Variants in MBD2 observed in about 807,000 individuals in gnomAD.
MBD2 encodes the protein methyl-CpG binding domain protein 2, also known as methyl-CpG-binding domain protein 2.
MBD2 carries 9 observed loss-of-function variants against 39.3 expected under a neutral mutation model. That is an observed-to-expected ratio of 0.23 (90% CI 0.14 to 0.40). MBD2 has a LOEUF of 0.40. Among genes scored for constraint, MBD2 ranks in the 10% least tolerant of loss-of-function variants. The pLI, the probability that MBD2 is intolerant of heterozygous loss-of-function variation, is 1.00. For missense variants in MBD2, 458 were observed against 532.6 expected, an observed-to-expected ratio of 0.86 and a Z score of 1.38; for synonymous variants, 233 against 211.1, an observed-to-expected ratio of 1.10 and a Z score of -0.90.
intron 3 of MBD2, among the ~76,000 whole-genome samples, chr18:54,174,747 T>C (rs2086199802): frequency 6.6e-6 from 1 of 152,056 alleles, no homozygotes; most frequent in Non-Finnish European, 1.5e-5. Flanking sequence ...AGATGTAGAG[T>C]TCCAAATAAA....
chr18:54,161,420 T>C (rs923689706), intron 5 of MBD2, among the ~76,000 whole-genome samples: 10 of 152,178 alleles, frequency 6.6e-5, no homozygotes, highest in African/African-American at 2.4e-4. Flanking sequence ...CAGAACACAT[T>C]TGTTTATTTC....
rs943386502 is a variant in MBD2 at position 54,159,829 on chromosome 18, G to C, written c.1184C>G (p.Ala395Gly). ...AATATCCATCTCTTCTGTATCAGCAGCTCGCGACAAGATGTCTGCCATCAG... is the reference window on the plus strand; with the variant it reads ...AATATCCATCTCTTCTGTATCAGCACCTCGCGACAAGATGTCTGCCATCAG... ...EALMADILSR[A>G]ADTEEMDIEM... Residue 395 changes from alanine to glycine, a missense_variant, in exon 6 of 7, where the codon GCT (alanine) becomes GGT (glycine). By Grantham distance (60) the Ala-to-Gly change is moderately conservative (BLOSUM62 0). Around this residue, in one of 2 missense-constraint regions of MBD2, gnomAD observed 189 missense variants for 296.6 expected, o/e 0.64. Coordinates refer to ENST00000256429, the MANE Select transcript of MBD2 (RefSeq NM_003927.5). 6.2e-7 allele frequency: 1 copy of C among 1,612,628 alleles called. No homozygotes were observed. Among genetic ancestry groups the C allele is most frequent in the Non-Finnish European group, 8.5e-7 (1 of 1,179,974 alleles).
chr18:54,178,553 A>T (rs1238820727), intron 3 of MBD2, among the ~76,000 whole-genome samples: 1 of 152,156 alleles, frequency 6.6e-6, no homozygotes, highest in Non-Finnish European at 1.5e-5. Context: ...AAACAAATAC[A>T]GGCATAAAAA....
chr18:54,167,379 T>C (rs1343552828), intron 3 of MBD2, among the ~76,000 whole-genome samples: 1 of 152,226 alleles, frequency 6.6e-6, no homozygotes, highest in Non-Finnish European at 1.5e-5. Context: ...ACAAGGTCTA[T>C]AACCTCTTCA....
At chr18:54,210,269 C>A (rs896847510) in intron 1 of MBD2, among the ~76,000 whole-genome samples, 1 of 152,004 alleles carries the variant, frequency 6.6e-6, no homozygotes, top group African/African-American at 2.4e-5. Context: ...CACATAGGAA[C>A]ATTTCATCAC....
chr18:54,170,265 T>C lies in MBD2; in HGVS notation c.841-4099A>G, dbSNP rs188803266. 1.8e-3 allele frequency among the ~76,000 whole-genome samples: 276 copies of C among 152,312 alleles called. 1 individual carries two copies. Among genetic ancestry groups the C allele is most frequent in the African/African-American group, 6.3e-3 (261 of 41,556 alleles). On this transcript the variant is annotated intron_variant, in intron 3 of 6. Transcript: ENST00000256429. Reference sequence around the variant, plus strand: ...TACAAAAACTGCTTCTTTAGTGAGGTCAATGATCAAATCTGTTTACTGAAA... The same window carrying C: ...TACAAAAACTGCTTCTTTAGTGAGGCCAATGATCAAATCTGTTTACTGAAA...
chr18:54,166,656 C>A lies in MBD2; in HGVS notation c.841-490G>T, dbSNP rs865892818. Reference sequence around the variant, plus strand: ...TAGCACACTTTAAGGGAGAAAAGACCATTTTCAATGAAAAGTTTTCTAAAA... The same window carrying A: ...TAGCACACTTTAAGGGAGAAAAGACAATTTTCAATGAAAAGTTTTCTAAAA... On this transcript the variant is annotated intron_variant, in intron 3 of 6. Transcript: ENST00000256429. Among the ~76,000 whole-genome samples the A allele has an allele frequency of 1.7e-4, 26 of 152,216 alleles. No homozygotes were observed. The Middle Eastern group carries it at 0.01, about 60-fold the overall frequency.
chr18:54,174,080 G>A (rs2086195192), intron 3 of MBD2, among the ~76,000 whole-genome samples: 1 of 152,208 alleles, frequency 6.6e-6, no homozygotes, highest in Non-Finnish European at 1.5e-5. Context: ...AGTAGCAACT[G>A]TCTGGAGCAG....
At position 54,224,601 on chromosome 18, in the gene MBD2, G is replaced by A. The variant is rs1038167647; in HGVS notation, c.-42C>T. ...CCGGCGCTGCGCTTCTTCCGTAACCGAGCCCTTGGAATCCCGGAGACCCGC... is the reference window on the plus strand; with the variant it reads ...CCGGCGCTGCGCTTCTTCCGTAACCAAGCCCTTGGAATCCCGGAGACCCGC... On this transcript the variant is annotated 5_prime_UTR_variant, in exon 1 of 7. Transcript: ENST00000256429. 1.2e-5 allele frequency: 15 copies of A among 1,212,572 alleles called. No homozygotes were observed. Among genetic ancestry groups the A allele is most frequent in the South Asian group, 8.3e-5 (2 of 23,954 alleles). The allele number at this position is 1,212,572 out of a possible 1,614,324, so 75.1% of individuals were successfully genotyped here.
rs531132898 is a variant in MBD2 at position 54,196,640 on chromosome 18, A to G, written c.703-7629T>C. Among the ~76,000 whole-genome samples, 200 of 152,322 alleles carry G rather than the reference A, an allele frequency of 1.3e-3. 1 individual carries two copies. Among genetic ancestry groups the G allele is most frequent in the Non-Finnish European group, 1.9e-3 (130 of 68,028 alleles). ...CTGCAAGTTAGGTTAACTCTTCAGG[A>G]CCTATAAAAGTTCTGTTAACACCTG... is the stretch of plus-strand genomic sequence containing the variant. On this transcript the variant is annotated intron_variant, in intron 2 of 6. Transcript: ENST00000256429.
chr18:54,184,185 C>G (rs1383427461), intron 3 of MBD2, among the ~76,000 whole-genome samples: 2 of 152,072 alleles, frequency 1.3e-5, no homozygotes, highest in Non-Finnish European at 2.9e-5. Context: ...GAGTCCCCAA[C>G]CCCCAGGCCA....
rs1555665528 is a variant in MBD2 at position 54,224,214 on chromosome 18, T to TGCCGCCGCCGCCGCA, written c.331_345dup (p.Cys111_Gly115dup). On this transcript the variant is annotated inframe_insertion, in exon 1 of 7. Coordinates refer to ENST00000256429, the MANE Select transcript of MBD2 (RefSeq NM_003927.5). ...CGCCGGGGGGCGCCGCCGCCACCGC[T>TGCCGCCGCCGCCGCA]GCCGCCGCCGCCGCAGCCGCCGCCG... is the stretch of plus-strand genomic sequence containing the variant. 1 of 1,120,210 alleles carries TGCCGCCGCCGCCGCA rather than the reference T, an allele frequency of 8.9e-7. No individual in the cohort carries two copies. The highest frequency in any genetic ancestry group is 1.7e-5 in the African/African-American group (1 of 60,016). 69.4% of individuals were successfully genotyped at this position (1,120,210 alleles called of 1,614,324 possible). A position where few individuals can be genotyped will look rare whatever the true frequency, so the allele number is the denominator to read the frequency against.
In MBD2 at chr18:54,224,536, G is replaced by A. The variant is rs1401728036; in HGVS notation, c.24C>T (p.Gly8=). ...CCTCCTCCTGCTCCGGGCAGCAGCG[G>A]CCTCCCCCCGGGTGCGCGCGCATCC... MRAHPGG[G]RCCPEQEEGE... The change falls in exon 1 of 7, where the codon GGC becomes GGT. Residue 8 remains glycine, a synonymous_variant. Transcript: ENST00000256429. 1 of 1,230,554 alleles carries A rather than the reference G, an allele frequency of 8.1e-7. No homozygotes were observed. The highest frequency in any genetic ancestry group is 3.2e-5 in the East Asian group (1 of 31,584). The allele number at this position is 1,230,554 out of a possible 1,614,324, so 76.2% of individuals were successfully genotyped here.
At chr18:54,203,040 T>C (rs1216009016) in intron 2 of MBD2, 3 of 1,319,866 alleles carry the variant, frequency 2.3e-6, no homozygotes, top group Admixed American at 3.4e-5. Flanking sequence ...GCAAACAGCG[T>C]ATGAGCAAGC....
chr18:54,217,800 T>C (rs563002793), intron 1 of MBD2, among the ~76,000 whole-genome samples: 20 of 152,362 alleles, frequency 1.3e-4, no homozygotes, highest in African/African-American at 4.8e-4. Context: ...TTGAGCTATG[T>C]ATTTCCTCTA....
Position 54,169,528 on chromosome 18 carries a change from A to G in MBD2, c.841-3362T>C, listed in dbSNP as rs367913931. 5.2e-4 allele frequency among the ~76,000 whole-genome samples: 79 copies of G among 152,274 alleles called. 1 individual carries two copies. In the South Asian group the frequency reaches 0.013, roughly 26 times the overall value. On this transcript the variant is annotated intron_variant, in intron 3 of 6. Coordinates refer to ENST00000256429, the MANE Select transcript of MBD2 (RefSeq NM_003927.5). ...ATTCTGTTCACTTGGAGGTCTCCCC[A>G]CTCTATTACTTTCTCAACCATTAGA...
At chr18:54,222,265 T>C (rs578037425) in intron 1 of MBD2, 1 of 401,688 alleles carries the variant, frequency 2.5e-6, no homozygotes, top group East Asian at 6.5e-5. Flanking sequence ...CACAATAACC[T>C]TTTTTTTTAA....
intron 1 of MBD2, among the ~76,000 whole-genome samples, chr18:54,214,980 T>C (rs945050556): frequency 3.3e-5 from 5 of 152,084 alleles, no homozygotes; most frequent in African/African-American, 7.2e-5. Context: ...GACCTCGTGA[T>C]CCACCCGCCT....
Position 54,169,804 on chromosome 18 carries a change from G to T in MBD2, c.841-3638C>A, listed in dbSNP as rs183410098. Among the ~76,000 whole-genome samples the T allele has an allele frequency of 3.0e-3, 455 of 152,284 alleles. 4 individuals carry two copies. The highest frequency in any genetic ancestry group is 0.01 in the African/African-American group (425 of 41,546). On this transcript the variant is annotated intron_variant, in intron 3 of 6. Coordinates refer to ENST00000256429, the MANE Select transcript of MBD2 (RefSeq NM_003927.5). ...AAATAGAATAGGTATAAGGAACAGT[G>T]ATTTAATATTTGGAGAAACTCCCAA...
Sources: allele counts gnomAD v4.1 joint callset (sites outside exome capture counted in the v4.1 genomes callset), GRCh38; gene constraint gnomAD v4.1.1; regional missense constraint gnomAD v4.1.1; transcripts MANE v1.5; gene names NCBI Gene and HGNC (gene_info 2026-07-23, HGNC 2026-07-21).